Variants in NEDD4 observed in about 807,000 individuals in gnomAD.
NEDD4 encodes the protein NEDD4 E3 ubiquitin protein ligase, also known as E3 ubiquitin-protein ligase NEDD4.
A neutral mutation model predicts 144.9 loss-of-function variants in NEDD4; 99 were observed. The ratio of observed to expected loss-of-function variants is 0.68; its 90% CI spans 0.58 to 0.81. The LOEUF is 0.81. NEDD4 is among the 30% of genes least tolerant of loss of function. NEDD4 has a pLI of 0.00. For synonymous variants in NEDD4, 318 were observed against 350.6 expected, an observed-to-expected ratio of 0.91 and a Z score of 1.04; for missense variants, 985 against 1,065.9, an observed-to-expected ratio of 0.92 and a Z score of 1.06.
intron 4 of NEDD4, among the ~76,000 whole-genome samples, chr15:55,939,770 C>G (rs1191186113): frequency 1.3e-5 from 2 of 152,076 alleles, no homozygotes; most frequent in African/African-American, 4.8e-5. Flanking sequence ...CCAGCCTCTA[C>G]AGAAAATAGT....
chr15:55,851,920 A>G (rs2033998380), intron 13 of NEDD4, among the ~76,000 whole-genome samples: 1 of 152,230 alleles, frequency 6.6e-6, no homozygotes, highest in Non-Finnish European at 1.5e-5. Flanking sequence ...TGTTTTATAT[A>G]ATAACAAGTG....
At chr15:55,847,302 T>C (rs1215926683) in intron 17 of NEDD4, among the ~76,000 whole-genome samples, 1 of 152,196 alleles carries the variant, frequency 6.6e-6, no homozygotes, top group Admixed American at 6.5e-5. Context: ...AATAGGAAAT[T>C]TCTTCCAGGT....
chr15:55,863,099 C>A lies in NEDD4; in HGVS notation c.508-20G>T. 2.0e-6 allele frequency: 3 copies of A among 1,533,730 alleles called. No individual in the cohort carries two copies. The highest frequency in any genetic ancestry group is 1.3e-5 in the South Asian group (1 of 78,780). On this transcript the variant is annotated intron_variant, in intron 8 of 28. Transcript: ENST00000435532. ...GCCAGGCTGAAAAACAGGATGGCAG[C>A]AATTAAGTTTACGCATGATTTTTTT...
At chr15:55,841,373 G>T (rs2033494167) in intron 19 of NEDD4, among the ~76,000 whole-genome samples, 1 of 152,198 alleles carries the variant, frequency 6.6e-6, no homozygotes, top group South Asian at 2.1e-4. Flanking sequence ...GACAAATATT[G>T]AATGATTCCA....
chr15:55,981,527 A>G (rs1209975114), intron 1 of NEDD4, among the ~76,000 whole-genome samples: 1 of 152,224 alleles, frequency 6.6e-6, no homozygotes, highest in Non-Finnish European at 1.5e-5. Flanking sequence ...CCCATAACTG[A>G]GAAATAAAAT....
intron 1 of NEDD4, among the ~76,000 whole-genome samples, chr15:55,992,189 AG>A (rs1337830633): frequency 6.6e-6 from 1 of 152,334 alleles, no homozygotes; most frequent in Non-Finnish European, 1.5e-5. Context: ...GCCATTAGCT[AG>A]AATGATATCT....
intron 5 of NEDD4, among the ~76,000 whole-genome samples, chr15:55,918,388 G>T (rs1418044230): frequency 1.3e-5 from 2 of 151,920 alleles, no homozygotes; most frequent in Admixed American, 6.6e-5. Flanking sequence ...ATACTCTAGG[G>T]TATATTTAAA....
intron 5 of NEDD4, 106 bp downstream of exon 5, chr15:55,924,540 A>G: frequency 6.3e-6 from 6 of 945,662 alleles, no homozygotes; most frequent in Non-Finnish European, 9.8e-6. Context: ...CTCCATAACC[A>G]CCCCCAAGCC....
chr15:55,917,427 A>G (rs903950119), intron 5 of NEDD4, among the ~76,000 whole-genome samples: 3 of 152,108 alleles, frequency 2.0e-5, no homozygotes, highest in Non-Finnish European at 2.9e-5. Context: ...TAGCCATACT[A>G]GGAATCTAGT....
intron 21 of NEDD4, among the ~76,000 whole-genome samples, chr15:55,839,582 C>A (rs199511074): frequency 8.6e-4 from 131 of 152,272 alleles, no homozygotes; most frequent in African/African-American, 3.1e-3. Context: ...TTCAGCAGCA[C>A]AGGAAACAAC....
chr15:55,839,995 AAAAAATATATATATATATATATATAT>A lies in NEDD4; in HGVS notation c.2031+426_2031+451del, dbSNP rs1294303889. Among the ~76,000 whole-genome samples the A allele has an allele frequency of 1.3e-3, 40 of 30,026 alleles. 2 individuals carry two copies. Among genetic ancestry groups the A allele is most frequent in the South Asian group, 2.8e-3 (2 of 704 alleles). 19.7% of individuals were successfully genotyped at this position (30,026 alleles called of 152,430 possible). On this transcript the variant is annotated intron_variant, in intron 21 of 28. Transcript: ENST00000435532. ...TCTCAAAAAAAAAAAAAAAAAAAAA[AAAAAATATATATATATATATATATAT>A]ATATATATATATATATATATAACAT...
intron 5 of NEDD4, 159 bp downstream of exon 5, chr15:55,924,487 G>T (rs1229571857): frequency 2.0e-5 from 12 of 614,314 alleles, no homozygotes; most frequent in Non-Finnish European, 2.9e-5. Flanking sequence ...AGGACCAGGA[G>T]GAAGAAAACA....
intron 5 of NEDD4, among the ~76,000 whole-genome samples, chr15:55,914,804 G>A (rs2036383081): frequency 6.6e-6 from 1 of 151,646 alleles, no homozygotes; most frequent in African/African-American, 2.4e-5. Flanking sequence ...ACTTTGATAT[G>A]GGTTTTTGTT....
chr15:55,983,367 G>A (rs531158403), intron 1 of NEDD4, among the ~76,000 whole-genome samples: 1 of 152,254 alleles, frequency 6.6e-6, no homozygotes, highest in South Asian at 2.1e-4. Context: ...CCTTAACACG[G>A]CATGCCAGGC....
At chr15:55,968,469 TCTTC>T (rs550491234) in intron 1 of NEDD4, among the ~76,000 whole-genome samples, 1,111 of 152,262 alleles carry the variant, frequency 7.3e-3, no homozygotes, top group African/African-American at 0.026. Context: ...TTTAGATACT[TCTTC>T]CTGTAGACAT....
intron 8 of NEDD4, among the ~76,000 whole-genome samples, chr15:55,867,834 C>T (rs1376507954): frequency 2.6e-5 from 4 of 152,256 alleles, no homozygotes; most frequent in South Asian, 2.1e-4. Context: ...GGCGGATGGA[C>T]GGCTTGAGGC....
intron 5 of NEDD4, chr15:55,916,148 T>C (rs2036435347): frequency 6.2e-7 from 1 of 1,613,950 alleles, no homozygotes; most frequent in East Asian, 2.2e-5. Flanking sequence ...TTGTACTTCT[T>C]GAAAAAATTT....
At chr15:55,941,953 C>A (rs2037013858) in intron 4 of NEDD4, among the ~76,000 whole-genome samples, 1 of 152,054 alleles carries the variant, frequency 6.6e-6, no homozygotes, top group Non-Finnish European at 1.5e-5. Context: ...GGTAAATGTT[C>A]CATGGGCATA....
At chr15:55,832,257 G>A (rs1019245049) in intron 27 of NEDD4, among the ~76,000 whole-genome samples, 1 of 151,054 alleles carries the variant, frequency 6.6e-6, no homozygotes, top group African/African-American at 2.4e-5. Flanking sequence ...TAACAGTAAA[G>A]GTTCTACAGA....
Sources: allele counts gnomAD v4.1 joint callset (sites outside exome capture counted in the v4.1 genomes callset), GRCh38; gene constraint gnomAD v4.1.1; transcripts MANE v1.5; gene names NCBI Gene and HGNC (gene_info 2026-07-23, HGNC 2026-07-21).